The following SNAP91 variants were observed in gnomAD, a reference collection of about 807,000 sequenced individuals.
SNAP91 encodes the protein clathrin coat assembly protein AP180.
Under a neutral mutation model 100.3 loss-of-function variants are expected in SNAP91, and 27 were observed. The ratio of observed to expected loss-of-function variants is 0.27; its 90% CI spans 0.20 to 0.37. SNAP91 has a LOEUF of 0.37. Among genes scored for constraint, SNAP91 ranks in the 10% least tolerant of loss-of-function variants. The probability of loss-of-function intolerance (pLI) is 1.00; values close to 1 mark genes in which losing one functional copy is unlikely to be tolerated. For synonymous variants in SNAP91, 404 were observed against 398.6 expected, an observed-to-expected ratio of 1.01 and a Z score of -0.16; for missense variants, 986 against 1,123.7, an observed-to-expected ratio of 0.88 and a Z score of 1.75.
Position 83,610,661 on chromosome 6 carries a change from G to A in SNAP91, c.901C>T (p.Pro301Ser). ...GNNEGSGAPSPLSKSSPATTV... is the reference protein window; with the variant it reads ...GNNEGSGAPSSLSKSSPATTV... ...AAAACCAAACTTACCTTACTTAATG[G>A]AGAGGGAGCACCAGATCTAAAAGGC... Residue 301 changes from proline to serine, a missense_variant, in exon 12 of 30, where the codon CCA (proline) becomes TCA (serine). This residue lies in a region of SNAP91 where 330 missense variants were observed against 447.5 expected (regional missense o/e 0.74). Transcript: ENST00000369694. 1 of 590,802 alleles carries A rather than the reference G, an allele frequency of 1.7e-6. No individual in the cohort carries two copies. 36.6% of individuals were successfully genotyped at this position (590,802 alleles called of 1,614,324 possible).
chr6:83,591,359 T>A, intron 21 of SNAP91, 65 bp from the exon 22 acceptor site: 1 of 1,055,080 alleles, frequency 9.5e-7, no homozygotes, highest in South Asian at 1.3e-5. Flanking sequence ...AGTAAGTAAT[T>A]TAAGTATTAT....
intron 5 of SNAP91, among the ~76,000 whole-genome samples, chr6:83,660,649 C>A (rs1344406183): frequency 4.0e-5 from 6 of 151,800 alleles, no homozygotes; most frequent in Non-Finnish European, 8.8e-5. Context: ...GTAGTATTAA[C>A]AATTAGTTTG....
chr6:83,672,033 T>C (rs932933154), intron 2 of SNAP91, among the ~76,000 whole-genome samples: 5 of 152,280 alleles, frequency 3.3e-5, no homozygotes, highest in African/African-American at 1.2e-4. Flanking sequence ...TTTAATAAAA[T>C]ATAAATGTCT....
Position 83,617,016 on chromosome 6 carries a change from C to T in SNAP91, c.831G>A (p.Thr277=), listed in dbSNP as rs550710127. The T allele has an allele frequency of 2.7e-5, 41 of 1,547,130 alleles. No homozygotes were observed. The highest frequency in any genetic ancestry group is 2.5e-4 in the East Asian group (10 of 40,758). ...LTQAPSSLME[T]LEQHLNTLEG... is the part of the protein sequence containing the mutation. ...CTAATGTATTTAGATGCTGTTCAAG[C>T]GTCTCCATAAGACTGCTGGGAGCCT... The change falls in exon 10 of 30, where the codon ACG becomes ACA. Residue 277 remains threonine, a synonymous_variant. Coordinates refer to ENST00000369694, the MANE Select transcript of SNAP91 (RefSeq NM_001242792.2).
chr6:83,701,187 A>G (rs1347727028), intron 2 of SNAP91, among the ~76,000 whole-genome samples: 1 of 152,206 alleles, frequency 6.6e-6, no homozygotes, highest in African/African-American at 2.4e-5. Flanking sequence ...TCAAGATAAT[A>G]GAGGCCAAAG....
chr6:83,619,178 T>A (rs2096615491), intron 9 of SNAP91, among the ~76,000 whole-genome samples: 2 of 152,114 alleles, frequency 1.3e-5, no homozygotes, highest in Admixed American at 1.3e-4. Context: ...TCAAACTGAC[T>A]TTTGTCTTAA....
rs2092254795 is a variant in SNAP91 at position 83,585,248 on chromosome 6, C to T, written c.2015-2892G>A. 3.3e-5 allele frequency among the ~76,000 whole-genome samples: 5 copies of T among 152,076 alleles called. No individual in the cohort carries two copies. In the South Asian group the frequency reaches 8.3e-4, roughly 25 times the overall value. Reference sequence around the variant, plus strand: ...GTTTAGCTGGGTATGGTGGTTCATGCCAGTAATCTCAGCATTTGGGGAGGC... The same window carrying T: ...GTTTAGCTGGGTATGGTGGTTCATGTCAGTAATCTCAGCATTTGGGGAGGC... On this transcript the variant is annotated intron_variant, in intron 22 of 29. Transcript: ENST00000369694.
intron 11 of SNAP91, among the ~76,000 whole-genome samples, chr6:83,612,372 T>C (rs540487342): frequency 6.6e-6 from 1 of 152,218 alleles, no homozygotes; most frequent in African/African-American, 2.4e-5. Flanking sequence ...ACTTCCACTA[T>C]TTTTTCCCTT....
At chr6:83,569,639 G>A (rs1452537869) in intron 26 of SNAP91, among the ~76,000 whole-genome samples, 4 of 152,134 alleles carry the variant, frequency 2.6e-5, no homozygotes, top group Admixed American at 2.6e-4. Flanking sequence ...ATATGGTTTG[G>A]CTGTCTTCCT....
intron 23 of SNAP91, 134 bp downstream of exon 23, chr6:83,582,085 TTTA>T (rs1187685400): frequency 3.4e-6 from 3 of 884,272 alleles, no homozygotes; most frequent in Non-Finnish European, 5.0e-6. Flanking sequence ...AAATGAGAGA[TTTA>T]TTAACGTTTT....
intron 26 of SNAP91, among the ~76,000 whole-genome samples, chr6:83,568,783 C>T (rs751185368): frequency 2.6e-5 from 4 of 152,148 alleles, no homozygotes; most frequent in Non-Finnish European, 5.9e-5. Flanking sequence ...AAAGGATTCC[C>T]CTTCCCAAAT....
intron 14 of SNAP91, among the ~76,000 whole-genome samples, chr6:83,602,212 G>C (rs1353418573): frequency 6.6e-6 from 1 of 152,028 alleles, no homozygotes; most frequent in East Asian, 1.9e-4. Context: ...CCAGCCTGTA[G>C]AAATGCCAAA....
intron 7 of SNAP91, among the ~76,000 whole-genome samples, chr6:83,646,296 T>C (rs1226430357): frequency 1.3e-5 from 2 of 152,204 alleles, no homozygotes; most frequent in East Asian, 1.9e-4. Context: ...AAAGTCACCA[T>C]CATATCCAAG....
chr6:83,556,083 T>C (rs1777455023), intron 29 of SNAP91, 60 bp downstream of exon 29: 1 of 880,654 alleles, frequency 1.1e-6, no homozygotes, highest in African/African-American at 1.7e-5. Context: ...ACCTCTGAAA[T>C]AGCTAAGCAT....
intron 2 of SNAP91, among the ~76,000 whole-genome samples, chr6:83,693,862 T>C (rs2099161553): frequency 6.6e-6 from 1 of 152,200 alleles, no homozygotes; most frequent in Non-Finnish European, 1.5e-5. Context: ...AGCAGCTTGC[T>C]TTAGTATCCA....
rs1329414470 is a variant in SNAP91 at position 83,659,063 on chromosome 6, G to A, written c.482C>T (p.Pro161Leu). The A allele has an allele frequency of 1.2e-6, 2 of 1,604,494 alleles. No individual in the cohort carries two copies. Among genetic ancestry groups the A allele is most frequent in the South Asian group, 2.2e-5 (2 of 89,132 alleles). Reference protein sequence around the residue: ...GADGVMRTMAPEKLLKSMPIL... With the variant: ...GADGVMRTMALEKLLKSMPIL... ...TGGCATACTCTTTAGCAGCTTTTCG[G>A]GAGCCATTGTCCTCATTACACCATC... The change falls in exon 6 of 30, where the codon CCC (proline) becomes CTC (leucine). Residue 161 changes from proline to leucine, a missense_variant. This residue lies in a region of SNAP91 where 330 missense variants were observed against 447.5 expected (regional missense o/e 0.74). Coordinates refer to ENST00000369694, the MANE Select transcript of SNAP91 (RefSeq NM_001242792.2).
At position 83,692,432 on chromosome 6, in the gene SNAP91, T is replaced by C. The variant is rs2099143134; in HGVS notation, c.130+15366A>G. On this transcript the variant is annotated intron_variant, in intron 2 of 29. Coordinates refer to ENST00000369694, the MANE Select transcript of SNAP91 (RefSeq NM_001242792.2). ...CAGGAGGTTGAGGCAGAAGAATCCC[T>C]TGAACCTGGGAGGCAGAGGTTACAG... Among the ~76,000 whole-genome samples, 3 of 152,006 alleles carry C rather than the reference T, an allele frequency of 2.0e-5. No individual in the cohort carries two copies. In the South Asian group the frequency reaches 6.2e-4, roughly 32 times the overall value.
chr6:83,611,363 ATAT>A, intron 11 of SNAP91: 1 of 388,614 alleles, frequency 2.6e-6, no homozygotes, highest in Non-Finnish European at 5.1e-6. Flanking sequence ...ATTTTAAGTT[ATAT>A]TACTGGTAGC....
intron 7 of SNAP91, among the ~76,000 whole-genome samples, chr6:83,642,361 C>T (rs1387165053): frequency 6.6e-6 from 1 of 152,082 alleles, no homozygotes; most frequent in Non-Finnish European, 1.5e-5. Flanking sequence ...CACAACAGGC[C>T]CTGGTGTGTG....
Sources: allele counts gnomAD v4.1 joint callset (sites outside exome capture counted in the v4.1 genomes callset), GRCh38; gene constraint gnomAD v4.1.1; regional missense constraint gnomAD v4.1.1; transcripts MANE v1.5; gene names NCBI Gene and HGNC (gene_info 2026-07-23, HGNC 2026-07-21).